NFAT5: variants seen among roughly 807,000 people sequenced by gnomAD.
NFAT5 encodes the protein nuclear factor of activated T cells 5, also known as nuclear factor of activated T-cells 5.
NFAT5 carries 31 observed loss-of-function variants against 166.5 expected under a neutral mutation model. The ratio of observed to expected loss-of-function variants is 0.19; its 90% CI spans 0.14 to 0.25. The LOEUF is 0.25. NFAT5 is among the 10% of genes least tolerant of loss of function. The pLI, the probability that NFAT5 is intolerant of heterozygous loss-of-function variation, is 1.00. For synonymous variants in NFAT5, 612 were observed against 639.7 expected (o/e 0.96, Z 0.65); for missense variants, 1,449 against 1,821.8 (o/e 0.80, Z 3.72).
intron 3 of NFAT5, among the ~76,000 whole-genome samples, chr16:69,629,055 C>T (rs1290507325): frequency 6.6e-6 from 1 of 152,060 alleles, no homozygotes; most frequent in African/African-American, 2.4e-5. Flanking sequence ...GCCTGGTCAA[C>T]AAGAGTGAAA....
chr16:69,574,763 G>T (rs2016643418), intron 2 of NFAT5, among the ~76,000 whole-genome samples: 1 of 151,762 alleles, frequency 6.6e-6, no homozygotes, highest in Non-Finnish European at 1.5e-5. Flanking sequence ...CTGTCACCCA[G>T]GTTCAAGCAA....
intron 3 of NFAT5, among the ~76,000 whole-genome samples, chr16:69,640,641 T>C (rs1016755537): frequency 1.3e-5 from 2 of 152,166 alleles, no homozygotes; most frequent in Non-Finnish European, 2.9e-5. Flanking sequence ...AAAAATATAA[T>C]GCTTAAGAAG....
In NFAT5 at chr16:69,697,945, T is replaced by C. The variant is rs1216805797; in HGVS notation, c.*1594T>C. The C allele has an allele frequency of 6.6e-6, 1 of 151,864 alleles. No homozygotes were observed. Among genetic ancestry groups the C allele is most frequent in the Non-Finnish European group, 1.5e-5 (1 of 67,938 alleles). 9.4% of individuals were successfully genotyped at this position (151,864 alleles called of 1,614,324 possible). A position where few individuals can be genotyped will look rare whatever the true frequency, so the allele number is the denominator to read the frequency against. ...TGAAGGCTACTTTTCTGTTCTTTTT[T>C]TTTTTTTTTTTCTATCCTGTACATT... On this transcript the variant is annotated 3_prime_UTR_variant, in exon 15 of 15. Transcript: ENST00000349945.
intron 2 of NFAT5, among the ~76,000 whole-genome samples, chr16:69,577,776 A>T (rs1597343029): frequency 6.6e-6 from 1 of 152,270 alleles, no homozygotes; most frequent in African/African-American, 2.4e-5. Context: ...GCATTTCTAT[A>T]CTTCTATAAA....
At chr16:69,638,434 TA>T (rs888989954) in intron 3 of NFAT5, among the ~76,000 whole-genome samples, 3 of 150,380 alleles carry the variant, frequency 2.0e-5, no homozygotes, top group Admixed American at 2.0e-4. Flanking sequence ...AATCATATCT[TA>T]AAAAAAACAA....
chr16:69,592,403 A>G (rs933040257), intron 2 of NFAT5, among the ~76,000 whole-genome samples: 2 of 152,116 alleles, frequency 1.3e-5, no homozygotes, highest in East Asian at 1.9e-4. Context: ...GGGATGATAC[A>G]TGGTACTTAG....
At chr16:69,598,112 G>T (rs1401563066) in intron 2 of NFAT5, among the ~76,000 whole-genome samples, 1 of 152,030 alleles carries the variant, frequency 6.6e-6, no homozygotes, top group African/African-American at 2.4e-5. Context: ...TTTGGGTGTG[G>T]TGGCTCACAC....
At chr16:69,637,627 T>C (rs117165921) in intron 3 of NFAT5, among the ~76,000 whole-genome samples, 7 of 152,294 alleles carry the variant, frequency 4.6e-5, no homozygotes, top group East Asian at 3.9e-4. Context: ...GTGAGACTTA[T>C]TATCTGTCAG....
At chr16:69,625,088 G>A (rs1050683551) in intron 2 of NFAT5, among the ~76,000 whole-genome samples, 7 of 151,842 alleles carry the variant, frequency 4.6e-5, no homozygotes, top group Non-Finnish European at 1.0e-4. Flanking sequence ...TTTTAGTAGA[G>A]ATGGGGTTTC....
chr16:69,669,671 A>G (rs2036546567), intron 7 of NFAT5, among the ~76,000 whole-genome samples: 1 of 152,264 alleles, frequency 6.6e-6, no homozygotes, highest in Non-Finnish European at 1.5e-5. Context: ...TTAAAAGAAG[A>G]CAACAAAACA....
At chr16:69,682,332 G>A (rs541378424) in intron 10 of NFAT5, among the ~76,000 whole-genome samples, 17 of 151,064 alleles carry the variant, frequency 1.1e-4, no homozygotes, top group African/African-American at 4.1e-4. Flanking sequence ...TACTGGCTGG[G>A]TGAGGTGGCT....
intron 2 of NFAT5, among the ~76,000 whole-genome samples, chr16:69,594,571 T>G (rs751781725): frequency 6.6e-6 from 1 of 152,196 alleles, no homozygotes; most frequent in Non-Finnish European, 1.5e-5. Context: ...ATATTCTGTA[T>G]TATGATCTTA....
chr16:69,657,453 AC>A (rs1196040569), intron 6 of NFAT5, among the ~76,000 whole-genome samples: 1 of 143,130 alleles, frequency 7.0e-6, no homozygotes, highest in Non-Finnish European at 1.5e-5. Flanking sequence ...TTAACTTGTA[AC>A]TTTTGAAAAT....
Position 69,697,937 on chromosome 16 carries a change from TTC to T in NFAT5, c.*1588_*1589del, listed in dbSNP as rs1387514311. ...TTAATTGTTGAAGGCTACTTTTCTG[TTC>T]TTTTTTTTTTTTTTTTTCTATCCTG... On this transcript the variant is annotated 3_prime_UTR_variant, in exon 15 of 15. Coordinates refer to ENST00000349945, the MANE Select transcript of NFAT5 (RefSeq NM_138713.4). 8.3e-6 allele frequency: 1 copy of T among 121,082 alleles called. No homozygotes were observed. Among genetic ancestry groups the T allele is most frequent in the African/African-American group, 3.0e-5 (1 of 33,230 alleles). 7.5% of individuals were successfully genotyped at this position (121,082 alleles called of 1,614,324 possible).
intron 2 of NFAT5, among the ~76,000 whole-genome samples, chr16:69,598,293 A>G (rs2032921251): frequency 6.6e-6 from 1 of 150,988 alleles, no homozygotes. Context: ...TAGGTGGATC[A>G]CTTGAGGCCA....
chr16:69,601,267 A>G (rs1290617460), intron 2 of NFAT5, among the ~76,000 whole-genome samples: 1 of 152,170 alleles, frequency 6.6e-6, no homozygotes, highest in Non-Finnish European at 1.5e-5. Flanking sequence ...CTACTTATTT[A>G]TACATTTCTG....
intron 3 of NFAT5, among the ~76,000 whole-genome samples, chr16:69,645,430 G>A (rs1184582219): frequency 6.6e-6 from 1 of 152,088 alleles, no homozygotes; most frequent in Non-Finnish European, 1.5e-5. Context: ...GCATTATATA[G>A]ATCATATTCT....
At chr16:69,643,236 G>A (rs946337593) in intron 3 of NFAT5, among the ~76,000 whole-genome samples, 281 of 135,526 alleles carry the variant, frequency 2.1e-3, no homozygotes, top group African/African-American at 7.4e-3. Context: ...AAAAAAAAAA[G>A]AATATATAGA....
At position 69,704,005 on chromosome 16, in the gene NFAT5, C is replaced by T. The variant is rs1043470; in HGVS notation, c.*7654C>T. 0.1 allele frequency: 15,884 copies of T among 152,428 alleles called. 1,044 individuals carry two copies. Among genetic ancestry groups the T allele is most frequent in the Non-Finnish European group, 0.14 (9,727 of 67,974 alleles). 9.4% of individuals were successfully genotyped at this position (152,428 alleles called of 1,614,324 possible). ...TTTTAGCTGATGAACCTCAGGACAA[C>T]GTCTACACACACACACATACATACA... On this transcript the variant is annotated 3_prime_UTR_variant, in exon 15 of 15. Transcript: ENST00000349945.
Sources: gnomAD v4.1 joint callset for allele counts (sites outside exome capture counted in the v4.1 genomes callset) on GRCh38, gnomAD v4.1.1 for gene constraint, MANE v1.5 for transcripts, NCBI Gene and HGNC (gene_info 2026-07-23, HGNC 2026-07-21) for gene names.